The following TBC1D4 variants were observed in gnomAD, a reference collection of about 807,000 sequenced individuals.
The protein encoded by TBC1D4 is TBC (Tre-2, BUB2, CDC16) domain-containing protein.
TBC1D4 carries 121 observed loss-of-function variants against 142.5 expected under a neutral mutation model. The observed-to-expected ratio is 0.85, with a 90% CI of 0.73 to 0.99. The LOEUF (loss-of-function observed/expected upper bound fraction) is 0.99, where lower values mean the gene tolerates loss of function less well. Ranked by LOEUF, TBC1D4 falls within the 50% of genes least tolerant of loss-of-function variation. The pLI is 0.00. For synonymous variants in TBC1D4, 630 were observed against 628.2 expected, an observed-to-expected ratio of 1.00 and a Z score of -0.04; for missense variants, 1,475 against 1,606.6, an observed-to-expected ratio of 0.92 and a Z score of 1.40.
At chr13:75,477,574 T>G (rs1449550425) in intron 1 of TBC1D4, among the ~76,000 whole-genome samples, 1 of 151,916 alleles carries the variant, frequency 6.6e-6, no homozygotes, top group Non-Finnish European at 1.5e-5. Flanking sequence ...AAAATTAACA[T>G]AACAAAGTCT....
intron 17 of TBC1D4, among the ~76,000 whole-genome samples, chr13:75,295,476 T>C (rs1256966168): frequency 2.0e-5 from 3 of 152,180 alleles, no homozygotes; most frequent in African/African-American, 4.8e-5. Context: ...GAGTTCTGGC[T>C]CTCCAGACAA....
chr13:75,447,571 T>C (rs1184436332), intron 1 of TBC1D4, among the ~76,000 whole-genome samples: 1 of 151,676 alleles, frequency 6.6e-6, no homozygotes. Flanking sequence ...TATATATATA[T>C]GCACACATAT....
intron 1 of TBC1D4, among the ~76,000 whole-genome samples, chr13:75,363,578 G>A (rs1255741783): frequency 2.0e-5 from 3 of 151,822 alleles, no homozygotes; most frequent in South Asian, 2.1e-4. Flanking sequence ...AAATTGTCCC[G>A]CCTTTCCAGA....
At position 75,310,113 on chromosome 13, in the gene TBC1D4, G is replaced by A. The variant is rs193089072; in HGVS notation, c.2422C>T (p.Leu808Phe). ...GGTTCCTCCTCCATGGTTGGAGAGA[G>A]GGGGGACAGTGGCAGCAGCTCGTTC... Reference protein sequence around the residue: ...DRNELLPLSPLSPTMEEEPLV... With the variant: ...DRNELLPLSPFSPTMEEEPLV... The change falls in exon 14 of 21, where the codon CTC becomes TTC. Residue 808 changes from leucine (L) to phenylalanine (F), a missense_variant. Coordinates refer to ENST00000377636, the MANE Select transcript of TBC1D4 (RefSeq NM_014832.5). 6.2e-6 allele frequency: 10 copies of A among 1,611,838 alleles called. No individual in the cohort carries two copies. The highest frequency in any genetic ancestry group is 4.5e-5 in the East Asian group (2 of 44,858).
At chr13:75,309,848 G>T (rs1265481400) in intron 14 of TBC1D4, 94 bp downstream of exon 14, 4 of 1,256,200 alleles carry the variant, frequency 3.2e-6, no homozygotes, top group Non-Finnish European at 4.6e-6. Flanking sequence ...GTCCAAAACT[G>T]AGTGCGGATA....
chr13:75,460,092 G>A lies in TBC1D4; in HGVS notation c.498+21178C>T, dbSNP rs950236992. ...TGGGAGGCGGAGCTTGCAGTGAGCC[G>A]AGATCGCGCCACTGCACTGCAGCCT... On this transcript the variant is annotated intron_variant, in intron 1 of 20. Coordinates refer to ENST00000377636, the MANE Select transcript of TBC1D4 (RefSeq NM_014832.5). Among the ~76,000 whole-genome samples the A allele has an allele frequency of 3.9e-5, 6 of 152,194 alleles. No homozygotes were observed. The East Asian group carries it at 5.8e-4, about 15-fold the overall frequency.
intron 14 of TBC1D4, among the ~76,000 whole-genome samples, chr13:75,307,109 G>A (rs1394451599): frequency 6.6e-6 from 1 of 152,030 alleles, no homozygotes; most frequent in Non-Finnish European, 1.5e-5. Context: ...ACAGGCATGC[G>A]CCACTACACT....
intron 4 of TBC1D4, among the ~76,000 whole-genome samples, chr13:75,350,082 A>C (rs1881476444): frequency 6.6e-6 from 1 of 152,150 alleles, no homozygotes; most frequent in African/African-American, 2.4e-5. Flanking sequence ...TGTTAAACCA[A>C]TTTTAGGTTG....
At chr13:75,379,823 T>C (rs1214768694) in intron 1 of TBC1D4, among the ~76,000 whole-genome samples, 1 of 149,970 alleles carries the variant, frequency 6.7e-6, no homozygotes, top group Non-Finnish European at 1.5e-5. Flanking sequence ...TTACCATTAT[T>C]GATAAAATTA....
chr13:75,340,706 G>C (rs1458788056), intron 7 of TBC1D4, among the ~76,000 whole-genome samples: 1 of 152,122 alleles, frequency 6.6e-6, no homozygotes, highest in East Asian at 1.9e-4. Flanking sequence ...CAGCACTTTG[G>C]GAGGCCGAGG....
At chr13:75,303,117 T>TTACC (rs1381782022) in intron 15 of TBC1D4, among the ~76,000 whole-genome samples, 1 of 152,004 alleles carries the variant, frequency 6.6e-6, no homozygotes, top group Non-Finnish European at 1.5e-5. Context: ...CAGGTGTTCA[T>TTACC]TACCGGCCTG....
chr13:75,364,557 C>G (rs74096232), intron 1 of TBC1D4, among the ~76,000 whole-genome samples: 9,116 of 152,294 alleles, frequency 0.06, 407 homozygotes, highest in African/African-American at 0.12. Flanking sequence ...GCAACCTCAA[C>G]CCTTCATCAT....
At chr13:75,424,116 T>C (rs1886276336) in intron 1 of TBC1D4, among the ~76,000 whole-genome samples, 1 of 151,800 alleles carries the variant, frequency 6.6e-6, no homozygotes, top group Non-Finnish European at 1.5e-5. Flanking sequence ...ATTTAAAAAT[T>C]CAAAAAACTA....
intron 1 of TBC1D4, among the ~76,000 whole-genome samples, chr13:75,372,269 G>T (rs1204009980): frequency 1.1e-5 from 1 of 87,290 alleles, no homozygotes; most frequent in Non-Finnish European, 2.1e-5. Flanking sequence ...ATTATTTAAG[G>T]CTCACTTTTT....
chr13:75,412,817 T>C (rs1461847081), intron 1 of TBC1D4, among the ~76,000 whole-genome samples: 1 of 152,250 alleles, frequency 6.6e-6, no homozygotes, highest in Non-Finnish European at 1.5e-5. Context: ...CAATTTTCAA[T>C]TTATTGTTGC....
At chr13:75,352,542 T>C (rs1881684824) in intron 4 of TBC1D4, among the ~76,000 whole-genome samples, 1 of 152,134 alleles carries the variant, frequency 6.6e-6, no homozygotes, top group Non-Finnish European at 1.5e-5. Context: ...AGAAATAATA[T>C]TTTCTACAAA....
chr13:75,404,424 T>C (rs7982904), intron 1 of TBC1D4, among the ~76,000 whole-genome samples: 13,852 of 152,222 alleles, frequency 0.091, 953 homozygotes, highest in African/African-American at 0.19. Context: ...TTTAGTCATA[T>C]GTCTCCCTAA....
intron 1 of TBC1D4, among the ~76,000 whole-genome samples, chr13:75,386,283 A>G (rs1270342183): frequency 6.6e-6 from 1 of 152,256 alleles, no homozygotes; most frequent in Admixed American, 6.5e-5. Context: ...AGAAGTTTTC[A>G]TGAATAAATT....
chr13:75,303,329 A>G (rs1312748829), intron 15 of TBC1D4, among the ~76,000 whole-genome samples: 1 of 152,180 alleles, frequency 6.6e-6, no homozygotes, highest in East Asian at 1.9e-4. Flanking sequence ...AAAAAAAGAA[A>G]TAATATAAGT....
Sources: gnomAD v4.1 joint callset for allele counts (sites outside exome capture counted in the v4.1 genomes callset) on GRCh38, gnomAD v4.1.1 for gene constraint, MANE v1.5 for transcripts, NCBI Gene and HGNC (gene_info 2026-07-23, HGNC 2026-07-21) for gene names.